Variants in ADARB1 observed in about 807,000 individuals in gnomAD.
ADARB1 encodes the protein double-stranded RNA-specific editase 1.
In ADARB1, 10 loss-of-function variants were observed where a neutral mutation model predicts 52.4. The ratio of observed to expected loss-of-function variants is 0.19; its 90% CI spans 0.12 to 0.32. The LOEUF is 0.32. Ranked by LOEUF, ADARB1 falls within the 10% of genes least tolerant of loss-of-function variation. The pLI, the probability that ADARB1 is intolerant of heterozygous loss-of-function variation, is 1.00. For synonymous variants in ADARB1, 349 were observed against 371.1 expected, an observed-to-expected ratio of 0.94 and a Z score of 0.68; for missense variants, 643 against 922.3, an observed-to-expected ratio of 0.70 and a Z score of 3.92.
intron 8 of ADARB1, among the ~76,000 whole-genome samples, chr21:45,190,141 T>G (rs1169612278): frequency 1.3e-5 from 2 of 152,124 alleles, no homozygotes; most frequent in African/African-American, 4.8e-5. Flanking sequence ...TTCTTCATTC[T>G]TTTTTCTTTT....
chr21:45,094,809 T>A lies in ADARB1; in HGVS notation c.-220+20016T>A, dbSNP rs144008444. ...GTGATGCAGATGTCTGTATATCAAGTACTCACACAAGCAGATGTAAAGTCA... is the reference window on the plus strand; with the variant it reads ...GTGATGCAGATGTCTGTATATCAAGAACTCACACAAGCAGATGTAAAGTCA... On this transcript the variant is annotated intron_variant, in intron 1 of 10. Coordinates refer to ENST00000348831, the MANE Select transcript of ADARB1 (RefSeq NM_001112.4). 1.4e-3 allele frequency among the ~76,000 whole-genome samples: 212 copies of A among 151,988 alleles called. 1 individual carries two copies. The highest frequency in any genetic ancestry group is 2.1e-3 in the Admixed American group (32 of 15,278).
intron 2 of ADARB1, among the ~76,000 whole-genome samples, chr21:45,149,973 A>G (rs1186165058): frequency 1.3e-5 from 2 of 152,218 alleles, no homozygotes; most frequent in Admixed American, 6.5e-5. Context: ...CACTTGATCT[A>G]AAGGATTAAA....
At chr21:45,164,231 G>A (rs934466040) in intron 2 of ADARB1, among the ~76,000 whole-genome samples, 1 of 152,160 alleles carries the variant, frequency 6.6e-6, no homozygotes, top group Non-Finnish European at 1.5e-5. Flanking sequence ...AACAACTGTA[G>A]CAGCCAAGTG....
At chr21:45,091,496 C>G (rs2838775) in intron 1 of ADARB1, among the ~76,000 whole-genome samples, 4,188 of 152,274 alleles carry the variant, frequency 0.028, 55 homozygotes, top group South Asian at 0.052. Context: ...AGCAGGAGAT[C>G]AGCTTACAGT....
intron 5 of ADARB1, among the ~76,000 whole-genome samples, chr21:45,180,919 A>C (rs1470604122): frequency 1.3e-5 from 2 of 152,226 alleles, no homozygotes; most frequent in African/African-American, 4.8e-5. Context: ...CTATTAAATT[A>C]GTCTAGAAGT....
chr21:45,107,854 A>G (rs2087327447), intron 1 of ADARB1, among the ~76,000 whole-genome samples: 1 of 152,176 alleles, frequency 6.6e-6, no homozygotes, highest in African/African-American at 2.4e-5. Context: ...TGCATTCCAA[A>G]ATACTGCGAC....
chr21:45,180,278 C>T, intron 4 of ADARB1, 52 bp from the exon 5 acceptor site: 1 of 1,341,138 alleles, frequency 7.5e-7, no homozygotes, highest in South Asian at 1.2e-5. Flanking sequence ...GAGAGTGAGC[C>T]CTGCTCCCAG....
At chr21:45,140,410 AC>A (rs2089657741) in intron 2 of ADARB1, among the ~76,000 whole-genome samples, 1 of 152,116 alleles carries the variant, frequency 6.6e-6, no homozygotes, top group Non-Finnish European at 1.5e-5. Flanking sequence ...GAGCACCTAG[AC>A]CAGGCTGTGA....
intron 2 of ADARB1, among the ~76,000 whole-genome samples, chr21:45,146,988 C>T (rs1367279131): frequency 6.6e-6 from 1 of 152,204 alleles, no homozygotes; most frequent in East Asian, 1.9e-4. Flanking sequence ...AGAGACAGTG[C>T]AGCTAGTCCC....
At chr21:45,092,695 C>T (rs1400798137) in intron 1 of ADARB1, among the ~76,000 whole-genome samples, 3 of 152,280 alleles carry the variant, frequency 2.0e-5, no homozygotes, top group Admixed American at 6.5e-5. Flanking sequence ...ACAAAAACAT[C>T]TTTCTGTAAA....
At chr21:45,088,106 A>C (rs995584240) in intron 1 of ADARB1, among the ~76,000 whole-genome samples, 16 of 152,206 alleles carry the variant, frequency 1.1e-4, no homozygotes, top group African/African-American at 3.9e-4. Flanking sequence ...GGTCTTTAAT[A>C]GATGCATGTA....
chr21:45,202,802 T>C (rs1461595956), intron 8 of ADARB1, among the ~76,000 whole-genome samples: 1 of 143,874 alleles, frequency 7.0e-6, no homozygotes, highest in African/African-American at 2.6e-5. Context: ...TGCCACACTG[T>C]GCTGAGCATC....
intron 1 of ADARB1, among the ~76,000 whole-genome samples, chr21:45,120,525 A>G (rs2088112507): frequency 6.6e-6 from 1 of 152,138 alleles, no homozygotes; most frequent in African/African-American, 2.4e-5. Context: ...AAAACACTCT[A>G]AGGAAGCCTG....
chr21:45,149,135 A>G (rs2090154774), intron 2 of ADARB1, among the ~76,000 whole-genome samples: 2 of 152,164 alleles, frequency 1.3e-5, no homozygotes, highest in African/African-American at 4.8e-5. Flanking sequence ...GCAGCTTCCC[A>G]TGATGCATCA....
At chr21:45,090,459 C>A (rs2086517566) in intron 1 of ADARB1, among the ~76,000 whole-genome samples, 1 of 152,132 alleles carries the variant, frequency 6.6e-6, no homozygotes, top group East Asian at 1.9e-4. Flanking sequence ...GTATGGAAAC[C>A]CCTGATTTGT....
At chr21:45,115,563 A>G (rs1401232455) in intron 1 of ADARB1, among the ~76,000 whole-genome samples, 2 of 152,222 alleles carry the variant, frequency 1.3e-5, no homozygotes, top group African/African-American at 4.8e-5. Context: ...ATAGGTATAC[A>G]TCTTTTGACT....
intron 1 of ADARB1, among the ~76,000 whole-genome samples, chr21:45,122,692 C>T (rs752953580): frequency 6.6e-6 from 1 of 152,170 alleles, no homozygotes. Context: ...TCCACCCTTT[C>T]AGGTGGCTCA....
intron 2 of ADARB1, among the ~76,000 whole-genome samples, chr21:45,156,343 C>T (rs1299782175): frequency 6.7e-6 from 1 of 148,766 alleles, no homozygotes; most frequent in Non-Finnish European, 1.5e-5. Flanking sequence ...CACCCATCAT[C>T]CATCTATCCA....
At chr21:45,125,589 G>A (rs963181425) in intron 1 of ADARB1, among the ~76,000 whole-genome samples, 4 of 152,256 alleles carry the variant, frequency 2.6e-5, no homozygotes, top group Admixed American at 1.3e-4. Flanking sequence ...GCAGTCACCC[G>A]CCTGCTGGGA....
Sources: allele counts gnomAD v4.1 joint callset (sites outside exome capture counted in the v4.1 genomes callset), GRCh38; gene constraint gnomAD v4.1.1; transcripts MANE v1.5; gene names NCBI Gene and HGNC (gene_info 2026-07-23, HGNC 2026-07-21).